The following PCDHGA8 variants were observed in gnomAD, a reference collection of about 807,000 sequenced individuals.
PCDHGA8 encodes protocadherin gamma-A8.
Under a neutral mutation model 59.2 loss-of-function variants are expected in PCDHGA8, and 45 were observed. That is an observed-to-expected ratio of 0.76 (90% CI 0.60 to 0.98). The LOEUF is 0.98. Ranked by LOEUF, PCDHGA8 falls within the 50% of genes least tolerant of loss-of-function variation. PCDHGA8 has a pLI of 0.00. For missense variants in PCDHGA8, 1,257 were observed against 1,196.2 expected (o/e 1.05, Z -0.75); for synonymous variants, 531 against 519.0 (o/e 1.02, Z -0.32).
rs763303627 is a variant in PCDHGA8 at position 141,489,719 on chromosome 5, C to T, written c.2425-5088C>T. The T allele has an allele frequency of 1.4e-5, 22 of 1,613,946 alleles. No homozygotes were observed. The highest frequency in any genetic ancestry group is 9.3e-5 in the African/African-American group (7 of 74,924). On this transcript the variant is annotated intron_variant, in intron 1 of 3. Coordinates refer to ENST00000398604, the MANE Select transcript of PCDHGA8 (RefSeq NM_032088.2). The surrounding 1 kb of genome is among the most constrained non-coding windows in gnomAD (Gnocchi z 4.5). ...TTCCCACTGGACAGTGCCCAGGATCCGGATGTGGGCACCAATACTGTGAGC... is the reference window on the plus strand; with the variant it reads ...TTCCCACTGGACAGTGCCCAGGATCTGGATGTGGGCACCAATACTGTGAGC...
chr5:141,423,880 G>C, intron 1 of PCDHGA8: 1 of 1,282,292 alleles, frequency 7.8e-7, no homozygotes, highest in Non-Finnish European at 9.9e-7. Context: ...TTTCAATCTT[G>C]GCATATTTTC....
Position 141,486,390 on chromosome 5 carries a change from C to T in PCDHGA8, c.2425-8417C>T. 6.2e-7 allele frequency: 1 copy of T among 1,614,138 alleles called. No homozygotes were observed. The highest frequency in any genetic ancestry group is 1.1e-5 in the South Asian group (1 of 91,084). On this transcript the variant is annotated intron_variant, in intron 1 of 3. Coordinates refer to ENST00000398604, the MANE Select transcript of PCDHGA8 (RefSeq NM_032088.2). This position sits in a 1 kb window ranked among gnomAD's most constrained non-coding sequence, Gnocchi z 5.0. ...AAGTCTGCCTTCAGGAACCAGTTCTCCCTGGTGACTGCTGGACCCTTGGAT... is the reference window on the plus strand; with the variant it reads ...AAGTCTGCCTTCAGGAACCAGTTCTTCCTGGTGACTGCTGGACCCTTGGAT...
chr5:141,432,094 C>G lies in PCDHGA8; in HGVS notation c.2424+36857C>G. On this transcript the variant is annotated intron_variant, in intron 1 of 3. Transcript: ENST00000398604. This position sits in a 1 kb window ranked among gnomAD's most constrained non-coding sequence, Gnocchi z 6.0. ...ATATCTCGCTGAACGTGGCAGACAC[C>G]AACGACAACCCGCCGGTCTTCCCTC... The G allele has an allele frequency of 6.2e-7, 1 of 1,614,178 alleles. No homozygotes were observed. The highest frequency in any genetic ancestry group is 8.5e-7 in the Non-Finnish European group (1 of 1,180,046).
chr5:141,422,541 T>C (rs1389095817), intron 1 of PCDHGA8: 1 of 1,613,992 alleles, frequency 6.2e-7, no homozygotes. Context: ...CAGAAACTCA[T>C]GTCTGGCTGA....
rs1367772661 is a variant in PCDHGA8, at chr5:141,512,193, GGAAGCTC to G, written c.*1026_*1032del. 2.0e-5 allele frequency: 3 copies of G among 152,756 alleles called. No homozygotes were observed. Among genetic ancestry groups the G allele is most frequent in the Non-Finnish European group, 4.4e-5 (3 of 68,136 alleles). 9.5% of individuals were successfully genotyped at this position (152,756 alleles called of 1,614,324 possible). ...GGATTAAACTGGCATTTCAGTCCAAGGAAGCTCGAAGCAGGTTTAGGACCAGGTCCCC... is the reference window on the plus strand; with the variant it reads ...GGATTAAACTGGCATTTCAGTCCAAGGAAGCAGGTTTAGGACCAGGTCCCC... On this transcript the variant is annotated 3_prime_UTR_variant, in exon 4 of 4. Coordinates refer to ENST00000398604, the MANE Select transcript of PCDHGA8 (RefSeq NM_032088.2).
intron 1 of PCDHGA8, chr5:141,422,543 T>A: frequency 3.1e-6 from 5 of 1,614,000 alleles, no homozygotes; most frequent in Non-Finnish European, 4.2e-6. Flanking sequence ...GAAACTCATG[T>A]CTGGCTGAAT....
chr5:141,426,491 G>A, intron 1 of PCDHGA8: 1 of 336,822 alleles, frequency 3.0e-6, no homozygotes, highest in South Asian at 2.4e-5. Flanking sequence ...CTTAGAGTTA[G>A]TGCAGAGAAA....
Position 141,490,325 on chromosome 5 carries a change from G to A in PCDHGA8, c.2425-4482G>A. 1 of 1,614,236 alleles carries A rather than the reference G, an allele frequency of 6.2e-7. No individual in the cohort carries two copies. Among genetic ancestry groups the A allele is most frequent in the Non-Finnish European group, 8.5e-7 (1 of 1,180,038 alleles). On this transcript the variant is annotated intron_variant, in intron 1 of 3. Transcript: ENST00000398604. This position sits in a 1 kb window ranked among gnomAD's most constrained non-coding sequence, Gnocchi z 5.4. ...TCTTTGGCCAACCCTGTCCTAGAGA[G>A]CACACCAGTGGGCACAGTAGTGGGG...
intron 1 of PCDHGA8, chr5:141,412,947 C>A (rs930035804): frequency 2.1e-6 from 1 of 474,890 alleles, no homozygotes; most frequent in African/African-American, 2.0e-5. Flanking sequence ...CTCTGAGCGC[C>A]GCTGTTCACC....
In PCDHGA8 at chr5:141,477,279, C is replaced by T. The variant is rs2099408674; in HGVS notation, c.2425-17528C>T. ...GATGCTGGCGAGAACGGGCTGGTGA[C>T]CTGCGAAGTTCCACCGGGTCTCCCT... is the stretch of plus-strand genomic sequence containing the variant. On this transcript the variant is annotated intron_variant, in intron 1 of 3. Transcript: ENST00000398604. The surrounding 1 kb of genome is among the most constrained non-coding windows in gnomAD (Gnocchi z 4.9). 6.2e-7 allele frequency: 1 copy of T among 1,614,054 alleles called. No individual in the cohort carries two copies. Among genetic ancestry groups the T allele is most frequent in the Non-Finnish European group, 8.5e-7 (1 of 1,180,050 alleles).
chr5:141,418,081 C>T lies in PCDHGA8; in HGVS notation c.2424+22844C>T, dbSNP rs190197904. On this transcript the variant is annotated intron_variant, in intron 1 of 3. Transcript: ENST00000398604. Reference sequence around the variant, plus strand: ...TGCGAGTGAGCGCGGAGAAGCTGCACTTCAGCGTAGACGCGCAGAGCGGGG... The same window carrying T: ...TGCGAGTGAGCGCGGAGAAGCTGCATTTCAGCGTAGACGCGCAGAGCGGGG... 331 of 1,614,072 alleles carry T rather than the reference C, an allele frequency of 2.1e-4. 3 individuals are homozygous for T. The African/African-American group carries it at 4.0e-3, about 19-fold the overall frequency.
At chr5:141,414,918 G>A (rs1316323072) in intron 1 of PCDHGA8, 2 of 1,614,180 alleles carry the variant, frequency 1.2e-6, no homozygotes, top group Admixed American at 3.3e-5. Flanking sequence ...GCGTGGAGCT[G>A]GCGCCCCGCT....
intron 1 of PCDHGA8, chr5:141,400,191 A>C (rs781032596): frequency 5.0e-6 from 8 of 1,613,852 alleles, no homozygotes; most frequent in Non-Finnish European, 4.2e-6. Context: ...AGTTTTACCT[A>C]GTGGTGGCCT....
chr5:141,402,897 C>T (rs1177256058), intron 1 of PCDHGA8: 6 of 1,508,528 alleles, frequency 4.0e-6, no homozygotes, highest in Admixed American at 4.7e-5. Flanking sequence ...AAGAAAGAAC[C>T]TGATGAAGCA....
At chr5:141,501,557 G>A (rs192507373) in intron 2 of PCDHGA8, among the ~76,000 whole-genome samples, 1 of 152,124 alleles carries the variant, frequency 6.6e-6, no homozygotes, top group Non-Finnish European at 1.5e-5. Context: ...CATAGGCCCT[G>A]GAATCATATT....
At chr5:141,419,529 A>G (rs2096395609) in intron 1 of PCDHGA8, 2 of 1,612,082 alleles carry the variant, frequency 1.2e-6, no homozygotes, top group Non-Finnish European at 1.7e-6. Context: ...GACCGTAACG[A>G]CAACGCACCG....
At position 141,485,682 on chromosome 5, in the gene PCDHGA8, A is replaced by T. The variant is rs779441999; in HGVS notation, c.2425-9125A>T. 6.2e-7 allele frequency: 1 copy of T among 1,613,958 alleles called. No individual in the cohort carries two copies. Among genetic ancestry groups the T allele is most frequent in the Non-Finnish European group, 8.5e-7 (1 of 1,179,972 alleles). On this transcript the variant is annotated intron_variant, in intron 1 of 3. Transcript: ENST00000398604. This position sits in a 1 kb window ranked among gnomAD's most constrained non-coding sequence, Gnocchi z 5.7. ...GTGGGGAGCAATTCGATTAGCAGCT[A>T]TAGGCTGAGCTCCAATGAACACTTT...
intron 1 of PCDHGA8, among the ~76,000 whole-genome samples, chr5:141,439,043 G>T (rs1688170264): frequency 6.6e-6 from 1 of 151,346 alleles, no homozygotes; most frequent in Non-Finnish European, 1.5e-5. Flanking sequence ...CAGTTCATAA[G>T]ATTTCCATAT....
rs550161736 is a variant in PCDHGA8, at chr5:141,427,826, G to T, written c.2424+32589G>T. ...GCGCACAGAGCGGGGTGGTGGTCGCGCAGCGTGCCTTCGACCACGAGCAGC... is the reference window on the plus strand; with the variant it reads ...GCGCACAGAGCGGGGTGGTGGTCGCTCAGCGTGCCTTCGACCACGAGCAGC... On this transcript the variant is annotated intron_variant, in intron 1 of 3. Coordinates refer to ENST00000398604, the MANE Select transcript of PCDHGA8 (RefSeq NM_032088.2). The T allele has an allele frequency of 2.6e-6, 4 of 1,536,502 alleles. No individual in the cohort carries two copies. The East Asian group carries it at 6.8e-5, about 26-fold the overall frequency.
Sources: gnomAD v4.1 joint callset for allele counts (sites outside exome capture counted in the v4.1 genomes callset) on GRCh38, gnomAD v4.1.1 for gene constraint, Gnocchi (gnomAD v3.1) non-coding constraint, MANE v1.5 for transcripts, NCBI Gene and HGNC (gene_info 2026-07-23, HGNC 2026-07-21) for gene names.